CPAMD8: variants seen among roughly 807,000 people sequenced by gnomAD.
CPAMD8 encodes the protein C3 and PZP like alpha-2-macroglobulin domain containing 8.
A neutral mutation model predicts 224.7 loss-of-function variants in CPAMD8; 146 were observed. The observed-to-expected ratio is 0.65, with a 90% CI of 0.57 to 0.75. CPAMD8 has a LOEUF of 0.75. Among genes scored for constraint, CPAMD8 ranks in the 30% least tolerant of loss-of-function variants. CPAMD8 has a pLI of 0.00. For missense variants in CPAMD8, 2,301 were observed against 2,537.5 expected (o/e 0.91, Z 2.00); for synonymous variants, 966 against 1,044.6 (o/e 0.92, Z 1.45).
In CPAMD8 at chr19:16,903,572, A is replaced by T; in HGVS notation, c.4459T>A (p.Cys1487Ser). The change falls in exon 34 of 42, where the codon TGC becomes AGC. Residue 1487 changes from cysteine (C) to serine (S), a missense_variant. This residue lies in a region of CPAMD8 where 1,709 missense variants were observed against 1,753.2 expected (regional missense o/e 0.97). Coordinates refer to ENST00000443236, the MANE Select transcript of CPAMD8 (RefSeq NM_015692.5). Reference sequence around the variant, plus strand: ...CCCCAAAACCTCACCTGCATCAGGCAGCAGCCGTCCCCCTTGGCACTCACA... The same window carrying T: ...CCCCAAAACCTCACCTGCATCAGGCTGCAGCCGTCCCCCTTGGCACTCACA... ...LFVSAKGDGCCLMQIDVTYNV... is the reference protein window; with the variant it reads ...LFVSAKGDGCSLMQIDVTYNV... The T allele has an allele frequency of 6.2e-7, 1 of 1,614,132 alleles. No individual in the cohort carries two copies. Among genetic ancestry groups the T allele is most frequent in the East Asian group, 2.2e-5 (1 of 44,864 alleles).
chr19:17,005,657 G>C (rs914485952), intron 7 of CPAMD8, among the ~76,000 whole-genome samples: 1 of 152,164 alleles, frequency 6.6e-6, no homozygotes, highest in Non-Finnish European at 1.5e-5. Flanking sequence ...ATGATCATAT[G>C]GGGAGGGCCA....
At chr19:16,987,165 A>ATATATATATATAT in intron 13 of CPAMD8, among the ~76,000 whole-genome samples, 1 of 97,634 alleles carries the variant, frequency 1.0e-5, no homozygotes, top group African/African-American at 4.6e-5. Context: ...AAAAAAAAAA[A>ATATATATATATAT]AAAAAAAAAA....
At chr19:16,939,478 G>A (rs2053813186) in intron 22 of CPAMD8, among the ~76,000 whole-genome samples, 1 of 152,036 alleles carries the variant, frequency 6.6e-6, no homozygotes, top group Admixed American at 6.6e-5. Context: ...GAAAGTGCTG[G>A]GATTACAGGC....
chr19:16,934,557 T>C (rs938771208), intron 23 of CPAMD8, among the ~76,000 whole-genome samples: 2 of 152,126 alleles, frequency 1.3e-5, no homozygotes, highest in Non-Finnish European at 2.9e-5. Context: ...ATAAAGACTT[T>C]ATACTAACCA....
At chr19:16,977,247 T>G in intron 15 of CPAMD8, 121 bp downstream of exon 15, 1 of 682,498 alleles carries the variant, frequency 1.5e-6, no homozygotes, top group Non-Finnish European at 2.6e-6. Context: ...GTTCCCATAA[T>G]TCCTTACATC....
rs188277293 is a variant in CPAMD8, at chr19:16,973,854, G to A, written c.2070+1243C>T. Among the ~76,000 whole-genome samples, 110 of 136,864 alleles carry A rather than the reference G, an allele frequency of 8.0e-4. 2 individuals carry two copies. The highest frequency in any genetic ancestry group is 1.2e-3 in the South Asian group (5 of 4,214). The allele number at this position is 136,864 out of a possible 152,430, so 89.8% of individuals were successfully genotyped here. A position where few individuals can be genotyped will look rare whatever the true frequency, so the allele number is the denominator to read the frequency against. On this transcript the variant is annotated intron_variant, in intron 17 of 41. Transcript: ENST00000443236. ...TTTTTTTTTTTTTTTTTTTTGAGAC[G>A]GAGTCTGGCTCTGTCACCAGGCTGG...
intron 29 of CPAMD8, among the ~76,000 whole-genome samples, chr19:16,913,732 C>T (rs751785156): frequency 1.8e-4 from 28 of 152,094 alleles, no homozygotes; most frequent in South Asian, 6.2e-4. Flanking sequence ...ATGGTGGGGG[C>T]GGTCTTAGGT....
intron 13 of CPAMD8, among the ~76,000 whole-genome samples, chr19:16,985,386 G>A (rs1053581491): frequency 1.7e-5 from 2 of 121,060 alleles, no homozygotes; most frequent in African/African-American, 6.9e-5. Context: ...ATAGGTAAGT[G>A]TAGTGGGTGG....
chr19:17,010,545 T>A (rs2056617534), intron 5 of CPAMD8, among the ~76,000 whole-genome samples: 1 of 152,160 alleles, frequency 6.6e-6, no homozygotes, highest in Admixed American at 6.6e-5. Context: ...AGCCTCAAAA[T>A]TTTTAAATGT....
intron 29 of CPAMD8, among the ~76,000 whole-genome samples, chr19:16,911,013 G>C (rs1046429471): frequency 1.3e-5 from 2 of 152,212 alleles, no homozygotes; most frequent in African/African-American, 4.8e-5. Flanking sequence ...ATGTATTTCT[G>C]TTGTTTTAAG....
rs1005533677 is a variant in CPAMD8, at chr19:17,020,736, T to G, written c.245-383A>C. ...AAGAAGAGGGGACTGAGGTCCCCAG[T>G]GGACCTGACTGTTCTCCCATCACCT... On this transcript the variant is annotated intron_variant, in intron 2 of 41. Coordinates refer to ENST00000443236, the MANE Select transcript of CPAMD8 (RefSeq NM_015692.5). Among the ~76,000 whole-genome samples the G allele has an allele frequency of 2.6e-5, 4 of 152,302 alleles. No individual in the cohort carries two copies. In the East Asian group the frequency reaches 7.7e-4, roughly 29 times the overall value.
chr19:16,928,271 G>C, intron 24 of CPAMD8, 37 bp from the exon 25 acceptor site: 2 of 1,568,788 alleles, frequency 1.3e-6, no homozygotes, highest in Non-Finnish European at 8.7e-7. Flanking sequence ...ACGCTGGCAG[G>C]AAGCAGGCAG....
At chr19:17,021,599 G>A (rs2056959040) in intron 2 of CPAMD8, among the ~76,000 whole-genome samples, 1 of 152,226 alleles carries the variant, frequency 6.6e-6, no homozygotes, top group Admixed American at 6.5e-5. Flanking sequence ...GTGAAGGGGA[G>A]AGACTGGCTG....
intron 32 of CPAMD8, 51 bp downstream of exon 32, chr19:16,904,175 G>GAGGCCCCCCCCCCCCCCCCCCCC: frequency 9.4e-7 from 1 of 1,060,416 alleles, no homozygotes; most frequent in East Asian, 2.5e-5. Context: ...GGACTGCAGG[G>GAGGCCCCCCCCCCCCCCCCCCCC]ACCCCACCCA....
chr19:16,942,844 T>G (rs1414700408), intron 22 of CPAMD8, among the ~76,000 whole-genome samples: 7 of 152,240 alleles, frequency 4.6e-5, no homozygotes, highest in African/African-American at 1.2e-4. Flanking sequence ...GGAGCCTGCA[T>G]GATGCACGAA....
At chr19:16,969,873 CA>C (rs768905816) in intron 18 of CPAMD8, among the ~76,000 whole-genome samples, 230 of 69,842 alleles carry the variant, frequency 3.3e-3, no homozygotes, top group South Asian at 6.2e-3. Context: ...GGCTCCATCT[CA>C]AAAAAAAAAA....
intron 25 of CPAMD8, among the ~76,000 whole-genome samples, chr19:16,926,741 T>C (rs1270310433): frequency 6.6e-6 from 1 of 152,190 alleles, no homozygotes; most frequent in Non-Finnish European, 1.5e-5. Flanking sequence ...CTCCATCTGC[T>C]GTGTCACTGA....
At chr19:16,944,499 G>A (rs992503033) in intron 22 of CPAMD8, among the ~76,000 whole-genome samples, 1 of 152,160 alleles carries the variant, frequency 6.6e-6, no homozygotes, top group African/African-American at 2.4e-5. Flanking sequence ...AGGCCTCCAG[G>A]TTCTGCAGCT....
intron 22 of CPAMD8, among the ~76,000 whole-genome samples, chr19:16,942,279 T>C (rs894595667): frequency 3.9e-5 from 6 of 152,108 alleles, no homozygotes; most frequent in Non-Finnish European, 8.8e-5. Flanking sequence ...CTGGCCAACA[T>C]GGTGAAACCC....
Sources: gnomAD v4.1 joint callset for allele counts (sites outside exome capture counted in the v4.1 genomes callset) on GRCh38, gnomAD v4.1.1 for gene constraint, gnomAD v4.1.1 regional missense constraint, MANE v1.5 for transcripts, NCBI Gene and HGNC (gene_info 2026-07-23, HGNC 2026-07-21) for gene names.